The following SDHA variants were observed in gnomAD, a reference collection of about 807,000 sequenced individuals.
SDHA encodes the protein succinate dehydrogenase complex flavoprotein subunit A, also known as succinate dehydrogenase [ubiquinone] flavoprotein subunit, mitochondrial.
SDHA carries 48 observed loss-of-function variants against 78.4 expected under a neutral mutation model. The ratio of observed to expected loss-of-function variants is 0.61; its 90% CI spans 0.49 to 0.78. The LOEUF is 0.78. Ranked by LOEUF, SDHA falls within the 30% of genes least tolerant of loss-of-function variation. The probability of loss-of-function intolerance (pLI) is 0.00; values close to 1 mark genes in which losing one functional copy is unlikely to be tolerated. For synonymous variants in SDHA, 326 were observed against 353.9 expected (o/e 0.92, Z 0.88); for missense variants, 680 against 892.7 (o/e 0.76, Z 3.04).
the SDHA span, among the ~76,000 whole-genome samples, chr5:265,873 C>T: frequency 1.3e-5 from 2 of 151,804 alleles, no homozygotes; most frequent in Admixed American, 1.3e-4. Flanking sequence ...GGTTCTCTAA[C>T]CTGTGTAACA....
Position 222,372 on chromosome 5 carries a change from T to A in SDHA, c.64-1110T>A, listed in dbSNP as rs145247817. ...TTTCTTTTTTTTTTTTTTGGAGACGTTGTCTCTCTCTGTTGCCGAGGCCGG... is the reference window on the plus strand; with the variant it reads ...TTTCTTTTTTTTTTTTTTGGAGACGATGTCTCTCTCTGTTGCCGAGGCCGG... On this transcript the variant is annotated intron_variant, in intron 1 of 14. Coordinates refer to ENST00000264932, the MANE Select transcript of SDHA (RefSeq NM_004168.4). Among the ~76,000 whole-genome samples, 903 of 147,202 alleles carry A rather than the reference T, an allele frequency of 6.1e-3. 15 individuals carry two copies. Among genetic ancestry groups the A allele is most frequent in the African/African-American group, 0.022 (853 of 39,002 alleles).
Position 224,645 on chromosome 5 carries a change from T to C in SDHA, c.312+124T>C, listed in dbSNP as rs1207313169. On this transcript the variant is annotated intron_variant, in intron 3 of 14. Transcript: ENST00000264932. ...AGCCACATGGCCTCTTGCTGTGCCT[T>C]ACTCAGCTCACCCTCTCAGGGGTCT... The C allele has an allele frequency of 1.2e-5, 12 of 1,014,640 alleles. No individual in the cohort carries two copies. In the Admixed American group the frequency reaches 2.2e-4, roughly 19 times the overall value. 62.9% of individuals were successfully genotyped at this position (1,014,640 alleles called of 1,614,324 possible).
Position 232,703 on chromosome 5 carries a change from A to C in SDHA, c.896-774A>C, listed in dbSNP as rs562613748. ...CAGACAAGAATCACATTCGTTTTTT[A>C]AAAGCAAGATTGCCCTTTTTGTATA... On this transcript the variant is annotated intron_variant, in intron 7 of 14. Transcript: ENST00000264932. 2.6e-5 allele frequency among the ~76,000 whole-genome samples: 4 copies of C among 152,354 alleles called. No homozygotes were observed. In the South Asian group the frequency reaches 8.3e-4, roughly 32 times the overall value.
At chr5:234,673 C>T (rs7708182) in intron 8 of SDHA, 24 of 213,392 alleles carry the variant, frequency 1.1e-4, no homozygotes, top group Non-Finnish European at 2.1e-4. Flanking sequence ...AAAACTTAAA[C>T]GTAAAACTTG....
At chr5:258,436 C>CTG (rs1554003417), downstream of SDHA, among the ~76,000 whole-genome samples, 1 of 117,286 alleles carries the variant, frequency 8.5e-6, no homozygotes, top group Non-Finnish European at 1.6e-5. Flanking sequence ...CAGAGCATTA[C>CTG]TGTGAGCTCC....
intron 1 of SDHA, among the ~76,000 whole-genome samples, chr5:219,598 G>GT (rs1459475625): frequency 6.6e-6 from 1 of 152,164 alleles, no homozygotes; most frequent in Non-Finnish European, 1.5e-5. Flanking sequence ...CGTGTAAACC[G>GT]TTCTAGTGTG....
chr5:228,836 A>T (rs1247660631), intron 6 of SDHA, among the ~76,000 whole-genome samples: 5 of 152,184 alleles, frequency 3.3e-5, no homozygotes, highest in African/African-American at 1.2e-4. Flanking sequence ...TTGGGAAGAA[A>T]TATTTTCCAA....
At chr5:235,361 C>T (rs1185807243) in intron 9 of SDHA, 22 bp downstream of exon 9, 1 of 1,613,108 alleles carries the variant, frequency 6.2e-7, no homozygotes, top group Non-Finnish European at 8.5e-7. Flanking sequence ...GGCTCCTCCC[C>T]CACAGCTGGA....
chr5:241,013 C>T (rs1276084216), intron 11 of SDHA, among the ~76,000 whole-genome samples: 1 of 152,020 alleles, frequency 6.6e-6, no homozygotes, highest in Non-Finnish European at 1.5e-5. Context: ...TGGAGGTAAA[C>T]AGCGGTAGGA....
Position 222,009 on chromosome 5 carries a change from T to C in SDHA, c.64-1473T>C, listed in dbSNP as rs140098835. The stretch of plus-strand genomic sequence containing the variant: ...ATTTGGTATAATATACTGTTCTTAC[T>C]GGTGCTATTACTATGTTAATAGGGC... On this transcript the variant is annotated intron_variant, in intron 1 of 14. Transcript: ENST00000264932. Among the ~76,000 whole-genome samples the C allele has an allele frequency of 7.1e-3, 1,088 of 152,326 alleles. 15 individuals are homozygous for C. The highest frequency in any genetic ancestry group is 0.026 in the African/African-American group (1,066 of 41,562).
chr5:232,960 C>T (rs965355404), intron 7 of SDHA, among the ~76,000 whole-genome samples: 2 of 152,200 alleles, frequency 1.3e-5, no homozygotes, highest in African/African-American at 4.8e-5. Flanking sequence ...GGGGGTCGTA[C>T]TACCCAGAGT....
At chr5:259,641 A>G (rs1737410186), downstream of SDHA, among the ~76,000 whole-genome samples, 1 of 22,084 alleles carries the variant, frequency 4.5e-5, no homozygotes. Context: ...TCCGAGCATT[A>G]CCGTGTGAGC....
intron 7 of SDHA, 76 bp from the exon 8 acceptor site, chr5:233,398 AAAT>A: frequency 6.6e-7 from 1 of 1,514,342 alleles, no homozygotes; most frequent in Non-Finnish European, 9.1e-7. Context: ...TTCCCCCAAA[AAAT>A]GTCTTGAAAA....
chr5:235,542 C>T, intron 9 of SDHA: 1 of 627,824 alleles, frequency 1.6e-6, no homozygotes, highest in African/African-American at 1.8e-5. Flanking sequence ...AGTAAATTGT[C>T]AGAGATACAT....
intron 11 of SDHA, among the ~76,000 whole-genome samples, 196 bp downstream of exon 11, chr5:240,672 A>G (rs1236047802): frequency 6.6e-6 from 1 of 152,032 alleles, no homozygotes; most frequent in Non-Finnish European, 1.5e-5. Context: ...GTAATTGTTC[A>G]ACCCCACCCC....
At chr5:261,683 G>A (rs1737486639), downstream of SDHA, among the ~76,000 whole-genome samples, 1 of 75,202 alleles carries the variant, frequency 1.3e-5, no homozygotes. Context: ...TCCCGTCACA[G>A]CATTACCGTG....
intron 5 of SDHA, chr5:227,880 A>C: frequency 2.5e-6 from 1 of 398,378 alleles, no homozygotes; most frequent in Admixed American, 3.7e-5. Flanking sequence ...CCAGACTCCG[A>C]GTGGAGCTGC....
chr5:243,008 C>T (rs1665295045), intron 11 of SDHA, among the ~76,000 whole-genome samples: 1 of 152,136 alleles, frequency 6.6e-6, no homozygotes, highest in East Asian at 1.9e-4. Context: ...CCTGACCCTC[C>T]AGATCTTTCT....
intron 10 of SDHA, among the ~76,000 whole-genome samples, chr5:239,057 G>A (rs1238024382): frequency 1.5e-5 from 2 of 130,832 alleles, no homozygotes; most frequent in Non-Finnish European, 3.1e-5. Context: ...TTATCAAAAG[G>A]AAGAGAAACA....
Sources: gnomAD v4.1 joint callset for allele counts (sites outside exome capture counted in the v4.1 genomes callset) on GRCh38, gnomAD v4.1.1 for gene constraint, MANE v1.5 for transcripts, NCBI Gene and HGNC (gene_info 2026-07-23, HGNC 2026-07-21) for gene names.